The following NRXN2 variants were observed in gnomAD, a reference collection of about 807,000 sequenced individuals.
NRXN2 encodes the protein neurexin 2, also known as neurexin-2-beta.
Under a neutral mutation model 128.8 loss-of-function variants are expected in NRXN2, and 29 were observed. The ratio of observed to expected loss-of-function variants is 0.23; its 90% confidence interval spans 0.17 to 0.31. The LOEUF is 0.31. Among genes scored for constraint, NRXN2 ranks in the 10% least tolerant of loss-of-function variants. NRXN2 has a pLI of 1.00. For synonymous variants in NRXN2, 1,098 were observed against 1,075.2 expected (o/e 1.02, Z -0.41); for missense variants, 1,881 against 2,452.6 (o/e 0.77, Z 4.92).
chr11:64,607,752 G>A lies in NRXN2; in HGVS notation c.4583C>T (p.Ser1528Leu). ...GGGCCGGGGAGCGGGTTTGCGGGGT[G>A]ACAGGAGGGTGGTGCGGTCCGTGAC... ...PLVTDRTTLLSPRKPAPRPNL... is the reference protein window; with the variant it reads ...PLVTDRTTLLLPRKPAPRPNL... Residue 1528 changes from serine to leucine, a missense_variant, in exon 23 of 23, where the codon TCA becomes TTA. Around this residue, in one of 7 missense-constraint regions of NRXN2, gnomAD observed 310 missense variants for 318.2 expected, o/e 0.97. Transcript: ENST00000265459. The A allele has an allele frequency of 6.3e-7, 1 of 1,581,750 alleles. No individual in the cohort carries two copies. The highest frequency in any genetic ancestry group is 8.6e-7 in the Non-Finnish European group (1 of 1,164,252).
At position 64,667,302 on chromosome 11, in the gene NRXN2, C is replaced by T. The variant is rs1325486181; in HGVS notation, c.1746G>A (p.Lys582=). The part of the protein sequence containing the change: ...GGIKLRASSR[K]VNDGEWCHVD... ...CGTGACACCACTCGCCATCATTGAC[C>T]TTGCGGCTGGATGCCCGCAGCTTGA... is the stretch of plus-strand genomic sequence containing the variant. The change falls in exon 9 of 23, where the codon AAG becomes AAA. Residue 582 remains lysine (K), a synonymous_variant. Coordinates refer to ENST00000265459, the MANE Select transcript of NRXN2 (RefSeq NM_015080.4). The surrounding 1 kb of genome is among the most constrained non-coding windows in gnomAD (Gnocchi z 5.6). 1 of 1,614,256 alleles carries T rather than the reference C, an allele frequency of 6.2e-7. No homozygotes were observed. Among genetic ancestry groups the T allele is most frequent in the South Asian group, 1.1e-5 (1 of 91,090 alleles).
intron 7 of NRXN2, among the ~76,000 whole-genome samples, chr11:64,670,322 C>T (rs1440510233): frequency 6.6e-6 from 1 of 151,942 alleles, no homozygotes; most frequent in East Asian, 1.9e-4. Context: ...CTCCACCCCA[C>T]CCTAAGGCTG....
At chr11:64,643,051 G>A (rs1328501269) in intron 17 of NRXN2, 1 of 996,814 alleles carries the variant, frequency 1.0e-6, no homozygotes, top group African/African-American at 1.7e-5. Context: ...GGAGCTAGGG[G>A]TCTCTCTGCA....
chr11:64,673,089 GCTATCTGACC>G lies in NRXN2; in HGVS notation c.1197+3894_1197+3903del, dbSNP rs2050837420. Among the ~76,000 whole-genome samples, 3 of 152,148 alleles carry G rather than the reference GCTATCTGACC, an allele frequency of 2.0e-5. No individual in the cohort carries two copies. The South Asian group carries it at 6.2e-4, about 32-fold the overall frequency. ...CTGAAGTGAAACTCCTCGATATCTG[GCTATCTGACC>G]CTAGGCAAGGTGCTTTCTCTGGGCT... On this transcript the variant is annotated intron_variant, in intron 7 of 22. Coordinates refer to ENST00000265459, the MANE Select transcript of NRXN2 (RefSeq NM_015080.4).
Position 64,690,499 on chromosome 11 carries a change from T to C in NRXN2, c.779-23A>G, listed in dbSNP as rs749018946. On this transcript the variant is annotated intron_variant, in intron 4 of 22. Transcript: ENST00000265459. ...CTACTGGAGAAGCAGAATTGGGGAG[T>C]CAGGCACAGGGGGTACCGAGCCAGT... The C allele has an allele frequency of 8.7e-6, 14 of 1,603,006 alleles. No individual in the cohort carries two copies. In the Admixed American group the frequency reaches 1.5e-4, roughly 17 times the overall value.
intron 5 of NRXN2, chr11:64,688,616 A>G (rs921739424): frequency 1.1e-5 from 11 of 985,244 alleles, no homozygotes; most frequent in Non-Finnish European, 1.3e-5. Flanking sequence ...ACTGGGAACT[A>G]CAACTCCCAG....
intron 2 of NRXN2, among the ~76,000 whole-genome samples, chr11:64,703,849 T>G (rs2055830073): frequency 6.6e-6 from 1 of 152,190 alleles, no homozygotes; most frequent in South Asian, 2.1e-4. Context: ...CGTATATTAA[T>G]TCACTTAGTT....
At chr11:64,642,638 T>C (rs529571302) in intron 17 of NRXN2, 1 of 1,603,870 alleles carries the variant, frequency 6.2e-7, no homozygotes, top group South Asian at 1.1e-5. Context: ...GTGCTGAGGC[T>C]GGAGGAGACC....
At chr11:64,698,620 G>A (rs557529897) in intron 2 of NRXN2, among the ~76,000 whole-genome samples, 1 of 152,358 alleles carries the variant, frequency 6.6e-6, no homozygotes, top group East Asian at 1.9e-4. Flanking sequence ...AGTGGGGGAA[G>A]AGAGTCCAAA....
chr11:64,612,732 A>G (rs1349335216), intron 22 of NRXN2, among the ~76,000 whole-genome samples: 1 of 152,218 alleles, frequency 6.6e-6, no homozygotes, highest in Non-Finnish European at 1.5e-5. Flanking sequence ...TCTAGAATTG[A>G]GGTTGAGCAT....
In NRXN2 at chr11:64,607,814, G is replaced by T. The variant is rs369377520; in HGVS notation, c.4521C>A (p.Pro1507=). 3.3e-5 allele frequency: 53 copies of T among 1,600,652 alleles called. No homozygotes were observed. The highest frequency in any genetic ancestry group is 1.7e-4 in the Admixed American group (10 of 58,740). ...TGGTGTAAAAGTCCTCGTCGTCCGT[G>T]GGGGGGAGGCTGGAGTCAAAGACCT... ...SGEVFDSSLP[P]TDDEDFYTTF... The change falls in exon 23 of 23, where the codon CCC becomes CCA. Residue 1507 remains proline, a synonymous_variant. Transcript: ENST00000265459.
At chr11:64,669,573 C>T (rs552912475) in intron 7 of NRXN2, among the ~76,000 whole-genome samples, 3 of 152,204 alleles carry the variant, frequency 2.0e-5, no homozygotes, top group South Asian at 2.1e-4. Context: ...GGGGGCTCAG[C>T]GGTGGCCTGG....
intron 17 of NRXN2, among the ~76,000 whole-genome samples, chr11:64,645,161 T>C (rs565440820): frequency 6.6e-6 from 1 of 152,272 alleles, no homozygotes; most frequent in African/African-American, 2.4e-5. Flanking sequence ...TCTATCACGT[T>C]CTTGGGCCCC....
chr11:64,712,754 C>T (rs1565477845), intron 2 of NRXN2: 2 of 678,376 alleles, frequency 2.9e-6, no homozygotes, highest in African/African-American at 1.8e-5. Context: ...CTGACCACGC[C>T]CAAGCCGGCC....
In NRXN2 at chr11:64,660,898, C is replaced by T. The variant is rs753489519; in HGVS notation, c.2040G>A (p.Val680=). The T allele has an allele frequency of 5.6e-6, 9 of 1,613,508 alleles. No homozygotes were observed. The African/African-American group carries it at 8.0e-5, about 14-fold the overall frequency. ...LRGLAEAQGA[V]GVAPFCSRET... ...CCCGGGAGCAAAAGGGGGCAACGCC[C>T]ACAGCCCCCTGAGCCTCAGCCAGGC... The change falls in exon 10 of 23, where the codon GTG becomes GTA. Residue 680 remains valine, a synonymous_variant. Transcript: ENST00000265459. The surrounding 1 kb of genome is among the most constrained non-coding windows in gnomAD (Gnocchi z 5.2).
At chr11:64,628,269 T>C (rs1028037317) in intron 19 of NRXN2, among the ~76,000 whole-genome samples, 3 of 152,184 alleles carry the variant, frequency 2.0e-5, no homozygotes, top group African/African-American at 7.2e-5. Flanking sequence ...CTAGATGACT[T>C]GTCCAAGGTT....
rs528206273 is a variant in NRXN2, at chr11:64,639,392, C to T, written c.3404-3940G>A. ...CAGAAACAAAATAAATGCTAGCCCC[C>T]TTTATAAGCTGGAGTGATAAACCTG... is the stretch of plus-strand genomic sequence containing the variant. On this transcript the variant is annotated intron_variant, in intron 17 of 22. Coordinates refer to ENST00000265459, the MANE Select transcript of NRXN2 (RefSeq NM_015080.4). Among the ~76,000 whole-genome samples the T allele has an allele frequency of 3.2e-4, 48 of 152,250 alleles. 1 individual carries two copies. In the South Asian group the frequency reaches 6.8e-3, roughly 22 times the overall value.
chr11:64,672,000 C>T (rs955557662), intron 7 of NRXN2, among the ~76,000 whole-genome samples: 6 of 152,152 alleles, frequency 3.9e-5, no homozygotes, highest in African/African-American at 1.2e-4. Flanking sequence ...CTGCACCCAA[C>T]CCATGCCAAC....
Position 64,607,933 on chromosome 11 carries a change from C to G in NRXN2, c.4402G>C (p.Ala1468Pro). The G allele has an allele frequency of 7.5e-7, 1 of 1,332,940 alleles. No homozygotes were observed. The allele number at this position is 1,332,940 out of a possible 1,614,324, so 82.6% of individuals were successfully genotyped here. The change falls in exon 23 of 23, where the codon GCG becomes CCG. Residue 1468 changes from alanine (A) to proline (P), a missense_variant. This residue lies in a region of NRXN2 where 310 missense variants were observed against 318.2 expected (regional missense o/e 0.97). Transcript: ENST00000265459. ...ATQDTLPPPA[A>P]RRPPSGGPCQ... ...GGGCCCCCAGAGGGCGGGCGGCGCG[C>G]GGCGGGCGGGGGCAGCGTGTCTTGG...
Sources: allele counts gnomAD v4.1 joint callset (sites outside exome capture counted in the v4.1 genomes callset), GRCh38; gene constraint gnomAD v4.1.1; regional missense constraint gnomAD v4.1.1; non-coding constraint Gnocchi (gnomAD v3.1); transcripts MANE v1.5; gene names NCBI Gene and HGNC (gene_info 2026-07-23, HGNC 2026-07-21).